The following KLB variants were observed in gnomAD, a reference collection of about 807,000 sequenced individuals.
The protein encoded by KLB is klotho beta.
In KLB, 44 loss-of-function variants were observed where a neutral mutation model predicts 88.4. The observed-to-expected ratio is 0.50, with a 90% confidence interval of 0.39 to 0.64. The LOEUF (loss-of-function observed/expected upper bound fraction) is 0.64, where lower values mean the gene tolerates loss of function less well. Among genes scored for constraint, KLB ranks in the 30% least tolerant of loss-of-function variants. KLB has a pLI of 0.00. For missense variants in KLB, 1,137 were observed against 1,304.8 expected, an observed-to-expected ratio of 0.87 and a Z score of 1.98; for synonymous variants, 548 against 513.4, an observed-to-expected ratio of 1.07 and a Z score of -0.91.
At chr4:39,430,714 G>A (rs2109832544) in intron 1 of KLB, among the ~76,000 whole-genome samples, 1 of 146,158 alleles carries the variant, frequency 6.8e-6, no homozygotes, top group Non-Finnish European at 1.5e-5. Context: ...GATTCTCCTG[G>A]CTCAGGCTCC....
intron 1 of KLB, among the ~76,000 whole-genome samples, chr4:39,427,617 C>A (rs1743250016): frequency 6.6e-6 from 1 of 151,972 alleles, no homozygotes; most frequent in Non-Finnish European, 1.5e-5. Context: ...TAAATGAGGG[C>A]AAACATGTTC....
chr4:39,414,681 C>T (rs1235103325), intron 1 of KLB, among the ~76,000 whole-genome samples: 1 of 151,494 alleles, frequency 6.6e-6, no homozygotes, highest in Non-Finnish European at 1.5e-5. Context: ...CCAGCCTGGC[C>T]AACATGGTGA....
At chr4:39,418,669 C>T (rs933051531) in intron 1 of KLB, among the ~76,000 whole-genome samples, 3 of 151,530 alleles carry the variant, frequency 2.0e-5, no homozygotes, top group African/African-American at 4.8e-5. Context: ...CTGATCAGGC[C>T]GGGCACAGTG....
chr4:39,435,021 G>T (rs1017734608), intron 2 of KLB, among the ~76,000 whole-genome samples: 4 of 151,984 alleles, frequency 2.6e-5, no homozygotes, highest in African/African-American at 9.7e-5. Flanking sequence ...TGGCCAGGCT[G>T]ATCTCAAACT....
chr4:39,443,813 T>G (rs1178255476), intron 3 of KLB, among the ~76,000 whole-genome samples: 1 of 150,090 alleles, frequency 6.7e-6, no homozygotes, highest in East Asian at 2.0e-4. Flanking sequence ...TACTTGGGAC[T>G]CTATGAATAT....
rs1200916516 is a variant in KLB, at chr4:39,437,947, C to T, written c.1557C>T (p.Gly519=). Residue 519 remains glycine, a synonymous_variant, in exon 3 of 5, where the codon GGC becomes GGT. Transcript: ENST00000257408. ...AAGAGTCCACGCCAGATGTGCAGGG[C>T]CAGTTTCCCTGTGACTTCTCCTGGG... is the stretch of plus-strand genomic sequence containing the variant. ...SLKESTPDVQ[G]QFPCDFSWGV... is the part of the protein sequence containing the mutation. 1.2e-6 allele frequency: 2 copies of T among 1,613,996 alleles called. No homozygotes were observed. Among genetic ancestry groups the T allele is most frequent in the African/African-American group, 2.7e-5 (2 of 74,920 alleles).
Position 39,448,685 on chromosome 4 carries a change from A to G in KLB, c.3134A>G (p.Ter1045=), listed in dbSNP as rs146348775. 6.0e-5 allele frequency: 97 copies of G among 1,605,728 alleles called. No homozygotes were observed. In the Middle Eastern group the frequency reaches 2.3e-3, roughly 38 times the overall value. The part of the protein sequence containing the change: ...PLKKGKRVVS[*] The stretch of plus-strand genomic sequence containing the variant: ...AAGAAAGGCAAGAGAGTTGTTAGCT[A>G]AACTGATCTGTCTGCATGATAGACA... The change falls in exon 5 of 5, where the codon TAA becomes TGA. Residue 1045 remains the stop codon, a stop_retained_variant. Coordinates refer to ENST00000257408, the MANE Select transcript of KLB (RefSeq NM_175737.4).
intron 1 of KLB, among the ~76,000 whole-genome samples, chr4:39,414,533 C>A (rs1340722230): frequency 6.6e-6 from 1 of 151,824 alleles, no homozygotes; most frequent in East Asian, 1.9e-4. Flanking sequence ...CATTCATGAA[C>A]AAAACACTAA....
intron 1 of KLB, among the ~76,000 whole-genome samples, chr4:39,420,457 G>A (rs911900231): frequency 3.9e-5 from 6 of 152,040 alleles, no homozygotes; most frequent in African/African-American, 9.7e-5. Flanking sequence ...TTTGGAAGTC[G>A]GGGGAAGCTG....
rs766606329 is a variant in KLB, at chr4:39,447,063, C to T, written c.2337C>T (p.Thr779=). Residue 779 remains threonine, a synonymous_variant, in exon 4 of 5, where the codon ACC becomes ACT. Transcript: ENST00000257408. ...IAWFAEPLFK[T]GDYPAAMREY... is the part of the protein sequence containing the mutation. ...GGTTCGCCGAGCCGCTCTTCAAGACCGGGGACTACCCCGCGGCCATGAGGG... is the reference window on the plus strand; with the variant it reads ...GGTTCGCCGAGCCGCTCTTCAAGACTGGGGACTACCCCGCGGCCATGAGGG... 3 of 1,612,824 alleles carry T rather than the reference C, an allele frequency of 1.9e-6. No individual in the cohort carries two copies. Among genetic ancestry groups the T allele is most frequent in the Admixed American group, 3.3e-5 (2 of 60,028 alleles).
intron 1 of KLB, among the ~76,000 whole-genome samples, chr4:39,415,127 G>A (rs1742940328): frequency 1.3e-5 from 2 of 152,014 alleles, no homozygotes; most frequent in South Asian, 4.1e-4. Flanking sequence ...TGGCCAGGCT[G>A]GTCTCGAACT....
intron 1 of KLB, among the ~76,000 whole-genome samples, chr4:39,423,213 G>A (rs1247200460): frequency 1.3e-5 from 2 of 151,890 alleles, no homozygotes; most frequent in Admixed American, 6.5e-5. Flanking sequence ...TAGGAGAGAG[G>A]TGAATCGAGA....
At chr4:39,422,041 C>T (rs533577095) in intron 1 of KLB, among the ~76,000 whole-genome samples, 15 of 152,292 alleles carry the variant, frequency 9.8e-5, no homozygotes, top group African/African-American at 1.4e-4. Flanking sequence ...CCACCACGCC[C>T]GGCCGCCTCT....
Position 39,448,858 on chromosome 4 carries a change from C to A in KLB, c.*172C>A. The A allele has an allele frequency of 1.6e-6, 1 of 617,668 alleles. No individual in the cohort carries two copies. The highest frequency in any genetic ancestry group is 2.8e-6 in the Non-Finnish European group (1 of 360,148). The allele number at this position is 617,668 out of a possible 1,614,324, so 38.3% of individuals were successfully genotyped here. A position where few individuals can be genotyped will look rare whatever the true frequency, so the allele number is the denominator to read the frequency against. The stretch of plus-strand genomic sequence containing the variant: ...CAAAGAACATTCCCTTAGGTGTTGA[C>A]ATCAGTGAACTCAGTTCTTGGATGT... On this transcript the variant is annotated 3_prime_UTR_variant, in exon 5 of 5. Transcript: ENST00000257408.
At chr4:39,431,768 C>T (rs1313676024) in intron 1 of KLB, among the ~76,000 whole-genome samples, 2 of 152,226 alleles carry the variant, frequency 1.3e-5, no homozygotes, top group East Asian at 3.8e-4. Flanking sequence ...TGCCTACTTT[C>T]CCCATCTAAC....
intron 2 of KLB, 134 bp downstream of exon 2, chr4:39,434,854 T>C: frequency 1.4e-6 from 1 of 696,300 alleles, no homozygotes; most frequent in African/African-American, 1.8e-5. Context: ...TCTCCCAGGC[T>C]GAAGTGCAGT....
At chr4:39,439,807 A>G (rs1461967809) in intron 3 of KLB, among the ~76,000 whole-genome samples, 2 of 152,038 alleles carry the variant, frequency 1.3e-5, no homozygotes, top group Non-Finnish European at 2.9e-5. Context: ...AGCTGGGACT[A>G]CAGGCGTGTG....
intron 3 of KLB, among the ~76,000 whole-genome samples, chr4:39,445,160 A>T (rs1380984267): frequency 6.6e-6 from 1 of 152,174 alleles, no homozygotes; most frequent in Admixed American, 6.5e-5. Flanking sequence ...GTGTTTGTAT[A>T]GCGCTTTAGA....
At position 39,447,391 on chromosome 4, in the gene KLB, G is replaced by T. The variant is rs937194465; in HGVS notation, c.2665G>T (p.Ala889Ser). Residue 889 changes from alanine to serine, a missense_variant, in exon 4 of 5, where the codon GCC becomes TCC. By Grantham distance (99) the Ala-to-Ser change is moderately conservative (BLOSUM62 1). This residue lies in a region of KLB where 426 missense variants were observed against 404.6 expected (regional missense o/e 1.05). Transcript: ENST00000257408. Reference protein sequence around the residue: ...NYGDMDIYITASGIDDQALED... With the variant: ...NYGDMDIYITSSGIDDQALED... ...CGGCGACATGGACATTTACATCACC[G>T]CCAGTGGCATCGACGACCAGGCTCT... is the stretch of plus-strand genomic sequence containing the variant. 1 of 1,613,718 alleles carries T rather than the reference G, an allele frequency of 6.2e-7. No homozygotes were observed. Among genetic ancestry groups the T allele is most frequent in the South Asian group, 1.1e-5 (1 of 91,030 alleles).
Sources: allele counts gnomAD v4.1 joint callset (sites outside exome capture counted in the v4.1 genomes callset), GRCh38; gene constraint gnomAD v4.1.1; regional missense constraint gnomAD v4.1.1; transcripts MANE v1.5; gene names NCBI Gene and HGNC (gene_info 2026-07-23, HGNC 2026-07-21).